MCCC2: variants seen among roughly 807,000 people sequenced by gnomAD.
MCCC2 encodes methylcrotonyl-CoA carboxylase subunit 2, also known as methylcrotonoyl-CoA carboxylase beta chain, mitochondrial.
Under a neutral mutation model 77.2 loss-of-function variants are expected in MCCC2, and 52 were observed. The ratio of observed to expected loss-of-function variants is 0.67; its 90% CI spans 0.54 to 0.85. MCCC2 has a LOEUF of 0.85. MCCC2 is among the 40% of genes least tolerant of loss of function. The probability of loss-of-function intolerance (pLI) is 0.00; values close to 1 mark genes in which losing one functional copy is unlikely to be tolerated. For missense variants in MCCC2, 682 were observed against 703.2 expected (o/e 0.97, Z 0.34); for synonymous variants, 253 against 248.4 (o/e 1.02, Z -0.18).
chr5:71,644,039 G>GTGTA (rs1307638299), intron 12 of MCCC2, 144 bp downstream of exon 12: 27 of 604,430 alleles, frequency 4.5e-5, no homozygotes, highest in Admixed American at 1.1e-4. Context: ...GGGCATGTGT[G>GTGTA]TGTGTGTGTG....
At chr5:71,594,078 A>G (rs1745083634) in intron 2 of MCCC2, among the ~76,000 whole-genome samples, 1 of 152,166 alleles carries the variant, frequency 6.6e-6, no homozygotes, top group Admixed American at 6.5e-5. Flanking sequence ...TGGAATTCAT[A>G]CTTTTGAAGC....
chr5:71,611,618 G>A (rs1745948396), intron 6 of MCCC2, among the ~76,000 whole-genome samples: 1 of 152,042 alleles, frequency 6.6e-6, no homozygotes, highest in Admixed American at 6.6e-5. Context: ...TGTATGTAAA[G>A]GTTAAATACA....
intron 16 of MCCC2, among the ~76,000 whole-genome samples, chr5:71,656,170 G>A (rs1208730809): frequency 5.3e-5 from 8 of 152,112 alleles, no homozygotes; most frequent in Non-Finnish European, 7.4e-5. Context: ...AACTGAGATC[G>A]TGCCACTGCA....
intron 7 of MCCC2, among the ~76,000 whole-genome samples, chr5:71,630,604 T>C (rs1280892236): frequency 2.0e-5 from 3 of 152,198 alleles, no homozygotes; most frequent in African/African-American, 7.2e-5. Context: ...CTGAATGTTA[T>C]TTTACACTAA....
intron 12 of MCCC2, among the ~76,000 whole-genome samples, chr5:71,644,786 T>C (rs1320149052): frequency 6.6e-6 from 1 of 152,112 alleles, no homozygotes; most frequent in Non-Finnish European, 1.5e-5. Context: ...TGAGGAAGAA[T>C]TTGTCTTTGG....
intron 15 of MCCC2, among the ~76,000 whole-genome samples, chr5:71,651,562 C>T (rs1210169755): frequency 2.6e-5 from 4 of 152,200 alleles, no homozygotes; most frequent in Non-Finnish European, 5.9e-5. Context: ...GCCCTGTCTG[C>T]TCTGTGCAGG....
intron 12 of MCCC2, among the ~76,000 whole-genome samples, chr5:71,645,886 G>A (rs941422816): frequency 2.6e-5 from 4 of 152,002 alleles, no homozygotes; most frequent in Admixed American, 1.3e-4. Context: ...TTTCTATAAG[G>A]TAAGACTAGC....
chr5:71,617,733 T>C (rs892105309), intron 6 of MCCC2, among the ~76,000 whole-genome samples: 1 of 152,198 alleles, frequency 6.6e-6, no homozygotes, highest in Admixed American at 6.5e-5. Context: ...TCAAATTTAG[T>C]TGTTTTTCTC....
At chr5:71,646,164 T>G in intron 12 of MCCC2, 47 bp from the exon 13 acceptor site, 1 of 1,488,134 alleles carries the variant, frequency 6.7e-7, no homozygotes, top group East Asian at 2.3e-5. Context: ...ATGATGATAA[T>G]AGAGTTAATT....
chr5:71,617,791 T>A (rs959200936), intron 6 of MCCC2, among the ~76,000 whole-genome samples: 5 of 152,206 alleles, frequency 3.3e-5, no homozygotes, highest in African/African-American at 1.2e-4. Context: ...CCATTGTAAA[T>A]TCATTTACCT....
intron 13 of MCCC2, among the ~76,000 whole-genome samples, chr5:71,647,640 A>G (rs1292764568): frequency 1.3e-5 from 2 of 152,200 alleles, no homozygotes; most frequent in African/African-American, 4.8e-5. Context: ...GGGCAGGTGA[A>G]TAAGTCTCAG....
At position 71,589,020 on chromosome 5, in the gene MCCC2, A is replaced by G. The variant is rs150727864; in HGVS notation, c.129+1466A>G. Among the ~76,000 whole-genome samples the G allele has an allele frequency of 3.8e-3, 575 of 152,254 alleles. 3 individuals are homozygous for G. Among genetic ancestry groups the G allele is most frequent in the Non-Finnish European group, 6.4e-3 (433 of 68,002 alleles). ...AGTGTGGTGGCAATGTGGAGGATGG[A>G]TTGATATAGGGAAAAGACTAGACCT... On this transcript the variant is annotated intron_variant, in intron 1 of 16. Transcript: ENST00000340941.
intron 2 of MCCC2, among the ~76,000 whole-genome samples, chr5:71,593,247 C>G (rs554459655): frequency 1.3e-5 from 2 of 152,158 alleles, no homozygotes; most frequent in African/African-American, 2.4e-5. Flanking sequence ...GCCTCCATGC[C>G]TGTCTAATTT....
intron 6 of MCCC2, among the ~76,000 whole-genome samples, chr5:71,615,959 C>T (rs1561833821): frequency 6.6e-6 from 1 of 152,104 alleles, no homozygotes; most frequent in East Asian, 1.9e-4. Context: ...GCTTTCAGTC[C>T]CAGCCCTATC....
intron 6 of MCCC2, among the ~76,000 whole-genome samples, chr5:71,604,892 C>T: frequency 7.0e-6 from 1 of 142,348 alleles, no homozygotes; most frequent in South Asian, 2.4e-4. Flanking sequence ...TCATCCATGT[C>T]CCTACAAAGG....
intron 12 of MCCC2, 91 bp from the exon 13 acceptor site, chr5:71,646,120 G>C (rs1747266656): frequency 3.5e-6 from 4 of 1,127,564 alleles, no homozygotes; most frequent in Non-Finnish European, 5.3e-6. Flanking sequence ...ATTCTTTCTT[G>C]TCTTTGGCTG....
intron 6 of MCCC2, among the ~76,000 whole-genome samples, chr5:71,617,425 TTA>T (rs1445185045): frequency 8.5e-5 from 13 of 152,218 alleles, no homozygotes; most frequent in African/African-American, 3.1e-4. Flanking sequence ...TACTAGTCTG[TTA>T]GCTACTTGAG....
At chr5:71,645,646 T>A (rs1747254127) in intron 12 of MCCC2, among the ~76,000 whole-genome samples, 1 of 152,238 alleles carries the variant, frequency 6.6e-6, no homozygotes, top group Admixed American at 6.5e-5. Context: ...TAGAGAATTA[T>A]CATATAGCAG....
At position 71,643,958 on chromosome 5, in the gene MCCC2, A is replaced by G. The variant is rs576450056; in HGVS notation, c.1149+63A>G. ...TAATTTAACATAACGTTGAAGGTCA[A>G]ATAATGAGTTAAAATTTATTGCATA... On this transcript the variant is annotated intron_variant, in intron 12 of 16. Coordinates refer to ENST00000340941, the MANE Select transcript of MCCC2 (RefSeq NM_022132.5). 534 of 1,602,648 alleles carry G rather than the reference A, an allele frequency of 3.3e-4. 7 individuals carry two copies. In the East Asian group the frequency reaches 0.012, roughly 36 times the overall value.
Sources: allele counts gnomAD v4.1 joint callset (sites outside exome capture counted in the v4.1 genomes callset), GRCh38; gene constraint gnomAD v4.1.1; transcripts MANE v1.5; gene names NCBI Gene and HGNC (gene_info 2026-07-23, HGNC 2026-07-21).